The following CD82 variants were observed in gnomAD, a reference collection of about 807,000 sequenced individuals.
CD82 encodes CD82 antigen.
A neutral mutation model predicts 37.4 loss-of-function variants in CD82; 36 were observed. The ratio of observed to expected loss-of-function variants is 0.96; its 90% CI spans 0.74 to 1.27. The LOEUF is 1.27. CD82 is among the 50% of genes most tolerant of loss of function. The probability of loss-of-function intolerance (pLI) is 0.00; values close to 1 mark genes in which losing one functional copy is unlikely to be tolerated. For missense variants in CD82, 340 were observed against 347.0 expected (o/e 0.98, Z 0.16); for synonymous variants, 158 against 137.4 (o/e 1.15, Z -1.05).
chr11:44,615,526 C>A (rs1271020199), intron 7 of CD82, among the ~76,000 whole-genome samples, 153 bp downstream of exon 7: 1 of 152,172 alleles, frequency 6.6e-6, no homozygotes, highest in Non-Finnish European at 1.5e-5. Flanking sequence ...CAGGGCACCC[C>A]AGTTAGCACC....
At chr11:44,575,483 T>C (rs1852878114) in intron 1 of CD82, among the ~76,000 whole-genome samples, 1 of 152,164 alleles carries the variant, frequency 6.6e-6, no homozygotes, top group Non-Finnish European at 1.5e-5. Flanking sequence ...TTGGATGGCT[T>C]ATGAAAGCAC....
At position 44,618,368 on chromosome 11, in the gene CD82, G is replaced by GTGC. The variant is rs777444761; in HGVS notation, c.642+4_642+6dup. On this transcript the variant is annotated splice_donor_region_variant and intron_variant, in intron 8 of 9. Transcript: ENST00000227155. Reference sequence around the variant, plus strand: ...AGGACTGGCCTGTGTACCAGGAGGTGTGCGGGGGGCTGCGGATCGGGGGCG... The same window carrying GTGC: ...AGGACTGGCCTGTGTACCAGGAGGTGTGCTGCGGGGGGCTGCGGATCGGGGGCG... The GTGC allele has an allele frequency of 6.2e-7, 1 of 1,611,612 alleles. No individual in the cohort carries two copies. The highest frequency in any genetic ancestry group is 1.3e-5 in the African/African-American group (1 of 74,888).
chr11:44,620,250 T>TG lies in CD82; in HGVS notation c.*1128dup, dbSNP rs2134705088. ...AAGCGGTCCTCTGGCCCCTGGGGAG[T>TG]GGGGTGGGTGAGGCTGTGCCTTGTA... On this transcript the variant is annotated 3_prime_UTR_variant, in exon 10 of 10. Coordinates refer to ENST00000227155, the MANE Select transcript of CD82 (RefSeq NM_002231.4). 1 of 71,444 alleles carries TG rather than the reference T, an allele frequency of 1.4e-5. No homozygotes were observed. Among genetic ancestry groups the TG allele is most frequent in the East Asian group, 3.1e-4 (1 of 3,196 alleles). The allele number at this position is 71,444 out of a possible 1,614,324, so 4.4% of individuals were successfully genotyped here. A position where few individuals can be genotyped will look rare whatever the true frequency, so the allele number is the denominator to read the frequency against.
intron 6 of CD82, among the ~76,000 whole-genome samples, chr11:44,611,095 A>C (rs1311255106): frequency 6.6e-6 from 1 of 152,188 alleles, no homozygotes; most frequent in African/African-American, 2.4e-5. Flanking sequence ...TCGGCCTCCC[A>C]AAGTGTTGGG....
At chr11:44,593,377 G>GCAGCTGTCCCAGGC (rs1302716259) in intron 2 of CD82, among the ~76,000 whole-genome samples, 3 of 152,242 alleles carry the variant, frequency 2.0e-5, no homozygotes, top group African/African-American at 7.2e-5. Flanking sequence ...CTCTGCCCAT[G>GCAGCTGTCCCAGGC]CAGCTGTCCC....
At chr11:44,576,787 C>T (rs754530955) in intron 1 of CD82, among the ~76,000 whole-genome samples, 1 of 152,206 alleles carries the variant, frequency 6.6e-6, no homozygotes, top group Non-Finnish European at 1.5e-5. Flanking sequence ...TCCCTCAAGC[C>T]TTCCAGCACC....
chr11:44,588,357 G>A (rs532768151), intron 2 of CD82, among the ~76,000 whole-genome samples: 3 of 152,060 alleles, frequency 2.0e-5, no homozygotes, highest in South Asian at 2.1e-4. Context: ...CCAAGTAGCC[G>A]GGACTGCAGG....
Position 44,597,101 on chromosome 11 carries a change from C to T in CD82, c.63+2376C>T, listed in dbSNP as rs1853239745. 2 of 445,506 alleles carry T rather than the reference C, an allele frequency of 4.5e-6. No individual in the cohort carries two copies. The highest frequency in any genetic ancestry group is 2.4e-5 in the Admixed American group (1 of 41,306). The allele number at this position is 445,506 out of a possible 1,614,324, so 27.6% of individuals were successfully genotyped here. On this transcript the variant is annotated intron_variant, in intron 3 of 9. Transcript: ENST00000227155. This position sits in a 1 kb window ranked among gnomAD's most constrained non-coding sequence, Gnocchi z 4.1. ...CCAGCCTGCCTCTTTGTTTTATGCACATTGGGAGGGGTTTCGTGGTTGGAT... is the reference window on the plus strand; with the variant it reads ...CCAGCCTGCCTCTTTGTTTTATGCATATTGGGAGGGGTTTCGTGGTTGGAT...
At chr11:44,574,937 A>G (rs1852868450) in intron 1 of CD82, among the ~76,000 whole-genome samples, 1 of 152,192 alleles carries the variant, frequency 6.6e-6, no homozygotes, top group African/African-American at 2.4e-5. Context: ...TAGTATCCAC[A>G]TTGCTATAAT....
At chr11:44,570,039 T>C (rs932273759) in intron 1 of CD82, among the ~76,000 whole-genome samples, 3 of 152,224 alleles carry the variant, frequency 2.0e-5, no homozygotes, top group African/African-American at 7.2e-5. Flanking sequence ...GGTGCCAGGC[T>C]CCTTCTCAGG....
At chr11:44,604,062 C>T (rs573174388) in intron 4 of CD82, among the ~76,000 whole-genome samples, 1 of 152,336 alleles carries the variant, frequency 6.6e-6, no homozygotes, top group Admixed American at 6.5e-5. Flanking sequence ...GGCTGGCCTT[C>T]GTCGACCCAT....
intron 7 of CD82, among the ~76,000 whole-genome samples, chr11:44,616,933 A>G (rs1463970045): frequency 1.3e-5 from 2 of 152,272 alleles, no homozygotes; most frequent in African/African-American, 4.8e-5. Context: ...TGCACCCCTC[A>G]GAGGTGCCAG....
rs116250454 is a variant in CD82, at chr11:44,619,373, A to G, written c.*247A>G. On this transcript the variant is annotated 3_prime_UTR_variant, in exon 10 of 10. Transcript: ENST00000227155. ...TCAGGGTTCTCTTAGCAACTCAGAG[A>G]AAAATGCTCCCCACAGCGTCCCTGG... is the stretch of plus-strand genomic sequence containing the variant. 5 of 515,672 alleles carry G rather than the reference A, an allele frequency of 9.7e-6. No homozygotes were observed. Among genetic ancestry groups the G allele is most frequent in the Non-Finnish European group, 1.7e-5 (5 of 286,598 alleles). The allele number at this position is 515,672 out of a possible 1,614,324, so 31.9% of individuals were successfully genotyped here.
intron 1 of CD82, among the ~76,000 whole-genome samples, chr11:44,574,643 G>A (rs1264734280): frequency 1.3e-5 from 2 of 152,170 alleles, no homozygotes; most frequent in Admixed American, 1.3e-4. Flanking sequence ...AGGCGGTAAA[G>A]AACAGACCTG....
intron 1 of CD82, among the ~76,000 whole-genome samples, chr11:44,573,617 C>T (rs1369154242): frequency 1.3e-5 from 2 of 152,222 alleles, no homozygotes; most frequent in East Asian, 3.8e-4. Flanking sequence ...GCTTTCTCTG[C>T]CCCACACCCT....
chr11:44,582,749 T>G (rs2134635110), intron 1 of CD82, among the ~76,000 whole-genome samples: 1 of 152,268 alleles, frequency 6.6e-6, no homozygotes, highest in South Asian at 2.1e-4. Context: ...TCTCTTTAGC[T>G]CCTAAATATC....
At chr11:44,617,280 T>G (rs1853577445) in intron 7 of CD82, among the ~76,000 whole-genome samples, 1 of 152,164 alleles carries the variant, frequency 6.6e-6, no homozygotes, top group Non-Finnish European at 1.5e-5. Context: ...ATTGACCAGC[T>G]AGCCAAGGTG....
chr11:44,590,610 C>CAAAAAAAAAAAA (rs56665683), intron 2 of CD82, among the ~76,000 whole-genome samples: 3,178 of 33,380 alleles, frequency 0.095, 865 homozygotes, highest in Middle Eastern at 0.14. Context: ...GATTCTGTCT[C>CAAAAAAAAAAAA]AAAAAAAAAA....
chr11:44,618,810 C>G, intron 9 of CD82, 87 bp downstream of exon 9: 1 of 1,183,170 alleles, frequency 8.5e-7, no homozygotes, highest in East Asian at 2.5e-5. Flanking sequence ...AGGTGGTGGC[C>G]AAGGGGGCCA....
Sources: allele counts gnomAD v4.1 joint callset (sites outside exome capture counted in the v4.1 genomes callset), GRCh38; gene constraint gnomAD v4.1.1; non-coding constraint Gnocchi (gnomAD v3.1); transcripts MANE v1.5; gene names NCBI Gene and HGNC (gene_info 2026-07-23, HGNC 2026-07-21).